HEXA: variants seen among roughly 807,000 people sequenced by gnomAD.
HEXA encodes the protein beta-hexosaminidase subunit alpha.
HEXA carries 54 observed loss-of-function variants against 73.3 expected under a neutral mutation model. That is an observed-to-expected ratio of 0.74 (90% CI 0.59 to 0.92). The LOEUF (loss-of-function observed/expected upper bound fraction) is 0.92, where lower values mean the gene tolerates loss of function less well. HEXA is among the 40% of genes least tolerant of loss of function. The pLI, the probability that HEXA is intolerant of heterozygous loss-of-function variation, is 0.00. For synonymous variants in HEXA, 230 were observed against 246.9 expected (o/e 0.93, Z 0.64); for missense variants, 649 against 653.0 (o/e 0.99, Z 0.07).
intron 1 of HEXA, among the ~76,000 whole-genome samples, chr15:72,372,101 G>A (rs1567306740): frequency 6.6e-6 from 1 of 152,122 alleles, no homozygotes; most frequent in African/African-American, 2.4e-5. Flanking sequence ...GTAATCTTGA[G>A]GTGGGCAGAT....
At chr15:72,345,707 C>T in intron 12 of HEXA, 157 bp from the exon 13 acceptor site, 2 of 1,247,866 alleles carry the variant, frequency 1.6e-6, no homozygotes, top group Non-Finnish European at 1.1e-6. Context: ...GGTTGGATGG[C>T]TCCCAGAGAG....
intron 1 of HEXA, among the ~76,000 whole-genome samples, chr15:72,375,485 A>C (rs2140344130): frequency 6.6e-6 from 1 of 152,328 alleles, no homozygotes; most frequent in Middle Eastern, 3.4e-3. Context: ...GGTCAGAAGG[A>C]TCACCTTAGA....
In HEXA at chr15:72,344,237, G is replaced by A. The variant is rs566446331; in HGVS notation, c.1527-97C>T. The A allele has an allele frequency of 4.8e-5, 40 of 838,324 alleles. No individual in the cohort carries two copies. The East Asian group carries it at 9.1e-4, about 19-fold the overall frequency. 51.9% of individuals were successfully genotyped at this position (838,324 alleles called of 1,614,324 possible). On this transcript the variant is annotated intron_variant, in intron 13 of 13. Transcript: ENST00000268097. ...TCAACAGTCTCTCCTTCCCCATTTC[G>A]GTGACTCTCAAACTGTCACTGTACA...
chr15:72,352,932 G>T, intron 5 of HEXA, 136 bp downstream of exon 5: 1 of 680,246 alleles, frequency 1.5e-6, no homozygotes, highest in East Asian at 2.9e-5. Context: ...CCAAAGTGTT[G>T]GGATTACAGG....
intron 2 of HEXA, chr15:72,355,881 A>G (rs1332174045): frequency 5.3e-6 from 3 of 566,056 alleles, no homozygotes; most frequent in Admixed American, 4.4e-5. Flanking sequence ...GTCAGGCTGG[A>G]GTGGAGGTCT....
intron 12 of HEXA, 155 bp from the exon 13 acceptor site, chr15:72,345,705 G>T: frequency 7.9e-7 from 1 of 1,261,732 alleles, no homozygotes; most frequent in Non-Finnish European, 1.1e-6. Flanking sequence ...CAGGTTGGAT[G>T]GCTCCCAGAG....
intron 1 of HEXA, chr15:72,357,782 C>T (rs1039779035): frequency 6.6e-6 from 1 of 152,182 alleles, no homozygotes; most frequent in Non-Finnish European, 1.5e-5. Context: ...GCTCAGACCT[C>T]TTGAGCACTA....
chr15:72,350,704 A>T, intron 6 of HEXA, 54 bp from the exon 7 acceptor site: 1 of 1,609,738 alleles, frequency 6.2e-7, no homozygotes, highest in Admixed American at 1.7e-5. Flanking sequence ...CTAGCAGAGT[A>T]GAAGATACTC....
At position 72,349,144 on chromosome 15, in the gene HEXA, T is replaced by C. The variant is rs1457483877; in HGVS notation, c.921A>G (p.Glu307=). 6.2e-7 allele frequency: 1 copy of C among 1,614,116 alleles called. No homozygotes were observed. Among genetic ancestry groups the C allele is most frequent in the African/African-American group, 1.3e-5 (1 of 75,044 alleles). ...TYEFMSTFFL[E]VSSVFPDFYL... ...AAAAATCTGGGAAGACAGAGCTGAC[T>C]TCTAAGAAGAATGTGCTCATGAACT... The change falls in exon 8 of 14, where the codon GAA becomes GAG. Residue 307 remains glutamate (E), a synonymous_variant. Coordinates refer to ENST00000268097, the MANE Select transcript of HEXA (RefSeq NM_000520.6).
intron 1 of HEXA, chr15:72,357,082 T>C: frequency 3.7e-6 from 1 of 272,284 alleles, no homozygotes; most frequent in Non-Finnish European, 7.3e-6. Context: ...GTAAACACAC[T>C]GTCTAGTTCT....
At chr15:72,348,883 G>A (rs1273580459) in intron 8 of HEXA, among the ~76,000 whole-genome samples, 196 bp downstream of exon 8, 1 of 152,168 alleles carries the variant, frequency 6.6e-6, no homozygotes, top group Non-Finnish European at 1.5e-5. Context: ...GGAAGGAAGA[G>A]GTTCACAGTG....
rs747954846 is a variant in HEXA at position 72,350,509 on chromosome 15, C to G, written c.805+9G>C. Reference sequence around the variant, plus strand: ...GCAGAGTCCCTCTGGTCCCAGACATCATTCTTACCTGGTCCCCAGGACAAA... The same window carrying G: ...GCAGAGTCCCTCTGGTCCCAGACATGATTCTTACCTGGTCCCCAGGACAAA... On this transcript the variant is annotated intron_variant, in intron 7 of 13. Coordinates refer to ENST00000268097, the MANE Select transcript of HEXA (RefSeq NM_000520.6). 1 of 1,613,912 alleles carries G rather than the reference C, an allele frequency of 6.2e-7. No individual in the cohort carries two copies. The highest frequency in any genetic ancestry group is 8.5e-7 in the Non-Finnish European group (1 of 1,179,964).
chr15:72,366,858 T>A (rs2114208), intron 1 of HEXA, among the ~76,000 whole-genome samples: 130,644 of 152,160 alleles, frequency 0.86, 59,603 homozygotes, highest in East Asian at 1. Context: ...ACTGTTTGCT[T>A]GATACCTCAT....
chr15:72,357,924 A>G (rs1013192978), intron 1 of HEXA: 3 of 152,170 alleles, frequency 2.0e-5, no homozygotes, highest in African/African-American at 7.2e-5. Context: ...ATACCTGCCT[A>G]CATTCTGCAA....
intron 6 of HEXA, 109 bp from the exon 7 acceptor site, chr15:72,350,759 G>T: frequency 8.2e-7 from 1 of 1,221,838 alleles, no homozygotes; most frequent in Non-Finnish European, 1.2e-6. Context: ...CCTGCCCATA[G>T]CCCTTTGGTG....
intron 7 of HEXA, among the ~76,000 whole-genome samples, chr15:72,349,900 A>T (rs1055825140): frequency 1.3e-5 from 2 of 152,066 alleles, no homozygotes; most frequent in African/African-American, 4.8e-5. Context: ...AGTAGCTGGG[A>T]TTACAGGCGC....
At chr15:72,344,251 T>C in intron 13 of HEXA, 111 bp from the exon 14 acceptor site, 1 of 762,658 alleles carries the variant, frequency 1.3e-6, no homozygotes, top group Non-Finnish European at 2.3e-6. Flanking sequence ...ACTCTCAAAC[T>C]GTCACTGTAC....
chr15:72,353,804 G>A (rs1020118125), intron 3 of HEXA, 67 bp from the exon 4 acceptor site: 1 of 1,153,870 alleles, frequency 8.7e-7, no homozygotes, highest in Non-Finnish European at 1.3e-6. Context: ...CTATTTGGAA[G>A]GTTCTCAATG....
intron 5 of HEXA, chr15:72,351,605 C>T (rs373647175): frequency 1.2e-5 from 4 of 341,916 alleles, no homozygotes; most frequent in South Asian, 8.0e-5. Context: ...GGTTGTCTGA[C>T]TGATGTTAAG....
Sources: allele counts gnomAD v4.1 joint callset (sites outside exome capture counted in the v4.1 genomes callset), GRCh38; gene constraint gnomAD v4.1.1; transcripts MANE v1.5; gene names NCBI Gene and HGNC (gene_info 2026-07-23, HGNC 2026-07-21).